LEMD2: variants seen among roughly 807,000 people sequenced by gnomAD.
The protein encoded by LEMD2 is LEM domain-containing protein 2.
A neutral mutation model predicts 58.8 loss-of-function variants in LEMD2; 34 were observed. The observed-to-expected ratio is 0.58, with a 90% CI of 0.44 to 0.77. The LOEUF (loss-of-function observed/expected upper bound fraction) is 0.77, where lower values mean the gene tolerates loss of function less well. Ranked by LOEUF, LEMD2 falls within the 30% of genes least tolerant of loss-of-function variation. LEMD2 has a pLI of 0.00. For missense variants in LEMD2, 629 were observed against 717.9 expected (o/e 0.88, Z 1.42); for synonymous variants, 298 against 308.9 (o/e 0.96, Z 0.37).
chr6:33,771,688 C>T lies in LEMD2; in HGVS notation c.*940G>A, dbSNP rs1017046841. Reference sequence around the variant, plus strand: ...TCCCTTGTGGCCGGCAGGGGGCAGCCTGCAGCCACTGCGCCTCTCCCGCCG... The same window carrying T: ...TCCCTTGTGGCCGGCAGGGGGCAGCTTGCAGCCACTGCGCCTCTCCCGCCG... On this transcript the variant is annotated 3_prime_UTR_variant, in exon 9 of 9. Transcript: ENST00000293760. 6.6e-6 allele frequency: 1 copy of T among 152,244 alleles called. No individual in the cohort carries two copies. The highest frequency in any genetic ancestry group is 2.4e-5 in the African/African-American group (1 of 41,464). 9.4% of individuals were successfully genotyped at this position (152,244 alleles called of 1,614,324 possible).
At position 33,780,114 on chromosome 6, in the gene LEMD2, C is replaced by A; in HGVS notation, c.996G>T (p.Lys332Asn). The change falls in exon 5 of 9, where the codon AAG becomes AAT. Residue 332 changes from lysine to asparagine, a missense_variant. Physicochemically the swap from Lys to Asn is moderately conservative, Grantham distance 94. Coordinates refer to ENST00000293760, the MANE Select transcript of LEMD2 (RefSeq NM_181336.4). ...AALTWILSSN[K>N]DVGIWLKGED... ...CCCACACTCACCAGATGCCCACGTC[C>A]TTGTTACTGCTCAGTATCCAGGTCA... The A allele has an allele frequency of 6.3e-7, 1 of 1,591,988 alleles. No homozygotes were observed. The highest frequency in any genetic ancestry group is 8.6e-7 in the Non-Finnish European group (1 of 1,167,936).
At chr6:33,786,921 T>C in intron 1 of LEMD2, 147 bp from the exon 2 acceptor site, 1 of 1,456,682 alleles carries the variant, frequency 6.9e-7, no homozygotes, top group Non-Finnish European at 9.0e-7. Context: ...GAAGGCACTT[T>C]TAAAATGCAG....
At position 33,772,458 on chromosome 6, in the gene LEMD2, T is replaced by C. The variant is rs796663551; in HGVS notation, c.*170A>G. 66 of 579,728 alleles carry C rather than the reference T, an allele frequency of 1.1e-4. No homozygotes were observed. The highest frequency in any genetic ancestry group is 1.1e-3 in the African/African-American group (56 of 52,558). 35.9% of individuals were successfully genotyped at this position (579,728 alleles called of 1,614,324 possible). On this transcript the variant is annotated 3_prime_UTR_variant, in exon 9 of 9. Coordinates refer to ENST00000293760, the MANE Select transcript of LEMD2 (RefSeq NM_181336.4). ...CCTTTAAAGGAAGCCCACATTTTCCTGCGAGCCGAACTCCTCTGAAGAGTA... is the reference window on the plus strand; with the variant it reads ...CCTTTAAAGGAAGCCCACATTTTCCCGCGAGCCGAACTCCTCTGAAGAGTA...
chr6:33,776,935 G>A lies in LEMD2; in HGVS notation c.1361+19C>T, dbSNP rs1209772865. 8 of 1,600,292 alleles carry A rather than the reference G, an allele frequency of 5.0e-6. No homozygotes were observed. Among genetic ancestry groups the A allele is most frequent in the South Asian group, 2.2e-5 (2 of 90,746 alleles). ...GACCCCATCTTACCTCACACCCAGC[G>A]CCCCAGCCAGGGACTCACCGGCTCT... On this transcript the variant is annotated intron_variant, in intron 8 of 8. Transcript: ENST00000293760.
chr6:33,781,431 C>A, intron 3 of LEMD2: 1 of 418,488 alleles, frequency 2.4e-6, no homozygotes, highest in Non-Finnish European at 4.3e-6. Context: ...GCAATTGATC[C>A]CTAAAAGAAT....
chr6:33,784,788 AG>A (rs1767639277), intron 2 of LEMD2: 1 of 195,346 alleles, frequency 5.1e-6, no homozygotes, highest in Non-Finnish European at 1.1e-5. Context: ...GCTTCCTCAG[AG>A]GAAGAGCAAC....
At chr6:33,774,084 T>G (rs1418046988) in intron 8 of LEMD2, among the ~76,000 whole-genome samples, 1 of 152,164 alleles carries the variant, frequency 6.6e-6, no homozygotes, top group Non-Finnish European at 1.5e-5. Context: ...CATGCTCTTA[T>G]TTAAGCAAAT....
At chr6:33,776,806 C>A (rs766130572) in intron 8 of LEMD2, 148 bp downstream of exon 8, 2 of 664,350 alleles carry the variant, frequency 3.0e-6, no homozygotes, top group South Asian at 3.3e-5. Flanking sequence ...TGGGGAGCAG[C>A]AGGAGTGGGA....
chr6:33,780,271 T>C (rs190949811), intron 4 of LEMD2, 92 bp from the exon 5 acceptor site: 312 of 1,104,144 alleles, frequency 2.8e-4, no homozygotes, highest in Admixed American at 4.0e-4. Flanking sequence ...CCCTCTCCCG[T>C]GTCCTCCACA....
intron 6 of LEMD2, 86 bp from the exon 7 acceptor site, chr6:33,777,325 T>C: frequency 2.1e-6 from 2 of 934,968 alleles, no homozygotes; most frequent in Non-Finnish European, 3.6e-6. Context: ...ATGGATGCTG[T>C]GGGGGATCCA....
chr6:33,784,251 G>T, intron 3 of LEMD2, 101 bp downstream of exon 3: 2 of 910,788 alleles, frequency 2.2e-6, no homozygotes, highest in Non-Finnish European at 3.7e-6. Flanking sequence ...CAACCAGGGA[G>T]TGTCTCGCTG....
chr6:33,784,471 G>GCCCCCC, intron 2 of LEMD2, 44 bp from the exon 3 acceptor site: 1 of 437,562 alleles, frequency 2.3e-6, no homozygotes, highest in Non-Finnish European at 4.7e-6. Context: ...GGGGTGGGTG[G>GCCCCCC]GAGGGGTCCG....
chr6:33,784,477 G>GCGCCCCC, intron 2 of LEMD2, 50 bp from the exon 3 acceptor site: 1 of 430,810 alleles, frequency 2.3e-6, no homozygotes, highest in African/African-American at 2.1e-5. Flanking sequence ...GGTGGGAGGG[G>GCGCCCCC]TCCGTCTGTC....
At chr6:33,776,839 G>C (rs1474901958) in intron 8 of LEMD2, 115 bp downstream of exon 8, 1 of 803,144 alleles carries the variant, frequency 1.2e-6, no homozygotes, top group Non-Finnish European at 2.1e-6. Context: ...TTGGCCCTGG[G>C]GTCTGCACTG....
chr6:33,780,200 A>T (rs1376204767), intron 4 of LEMD2, 21 bp from the exon 5 acceptor site: 1 of 1,569,610 alleles, frequency 6.4e-7, no homozygotes, highest in Non-Finnish European at 8.7e-7. Flanking sequence ...GCGCGGGAGA[A>T]GGTTAGTTCG....
At position 33,777,134 on chromosome 6, in the gene LEMD2, G is replaced by A. The variant is rs199730949; in HGVS notation, c.1258+4C>T. ...AACCCTTTATTCACCAGGGGGCCAC[G>A]CACCTATAATCTTCTTCACCATCTC... is the stretch of plus-strand genomic sequence containing the variant. On this transcript the variant is annotated splice_donor_region_variant and intron_variant, in intron 7 of 8. Transcript: ENST00000293760. 837 of 1,612,982 alleles carry A rather than the reference G, an allele frequency of 5.2e-4. No homozygotes were observed. The highest frequency in any genetic ancestry group is 1.5e-3 in the Middle Eastern group (9 of 6,062).
At chr6:33,775,640 T>G (rs1321699058) in intron 8 of LEMD2, among the ~76,000 whole-genome samples, 1 of 152,206 alleles carries the variant, frequency 6.6e-6, no homozygotes, top group Non-Finnish European at 1.5e-5. Flanking sequence ...ACGGCTCTAT[T>G]TTTCTGATTC....
rs757208277 is a variant in LEMD2 at position 33,778,485 on chromosome 6, C to T, written c.1011-98G>A. On this transcript the variant is annotated intron_variant, in intron 5 of 8. Coordinates refer to ENST00000293760, the MANE Select transcript of LEMD2 (RefSeq NM_181336.4). The surrounding 1 kb of genome is among the most constrained non-coding windows in gnomAD (Gnocchi z 4.7). Reference sequence around the variant, plus strand: ...AGGAGGAAGCGAAGGAAAGTGGGGACGCAAGGCCTCTACTTGCTTATAGAA... The same window carrying T: ...AGGAGGAAGCGAAGGAAAGTGGGGATGCAAGGCCTCTACTTGCTTATAGAA... The T allele has an allele frequency of 8.3e-6, 8 of 963,882 alleles. No individual in the cohort carries two copies. Among genetic ancestry groups the T allele is most frequent in the East Asian group, 2.8e-5 (1 of 35,306 alleles). The allele number at this position is 963,882 out of a possible 1,614,324, so 59.7% of individuals were successfully genotyped here.
In LEMD2 at chr6:33,788,572, C is replaced by A; in HGVS notation, c.545G>T (p.Arg182Leu). The change falls in exon 1 of 9, where the codon CGC becomes CTC. Residue 182 changes from arginine (R) to leucine (L), a missense_variant. By Grantham distance (102) the Arg-to-Leu change is moderately radical (BLOSUM62 -2). Coordinates refer to ENST00000293760, the MANE Select transcript of LEMD2 (RefSeq NM_181336.4). Reference protein sequence around the residue: ...LPSSLLGPDPRPGLRATRAGP... With the variant: ...LPSSLLGPDPLPGLRATRAGP... The stretch of plus-strand genomic sequence containing the variant: ...CGCTCGAGTCGCCCGCAGGCCCGGG[C>A]GCGGGTCGGGACCGAGGAGGGAGGA... 1 of 1,391,530 alleles carries A rather than the reference C, an allele frequency of 7.2e-7. No homozygotes were observed. The highest frequency in any genetic ancestry group is 9.3e-7 in the Non-Finnish European group (1 of 1,078,120). 86.2% of individuals were successfully genotyped at this position (1,391,530 alleles called of 1,614,324 possible).
Sources: gnomAD v4.1 joint callset for allele counts (sites outside exome capture counted in the v4.1 genomes callset) on GRCh38, gnomAD v4.1.1 for gene constraint, Gnocchi (gnomAD v3.1) non-coding constraint, MANE v1.5 for transcripts, NCBI Gene and HGNC (gene_info 2026-07-23, HGNC 2026-07-21) for gene names.